RGSL1: variants seen among roughly 807,000 people sequenced by gnomAD.
RGSL1 encodes regulator of G protein signaling protein-like.
RGSL1 carries 97 observed loss-of-function variants against 124.7 expected under a neutral mutation model. That is an observed-to-expected ratio of 0.78 (90% CI 0.66 to 0.92). The LOEUF (loss-of-function observed/expected upper bound fraction) is 0.92, where lower values mean the gene tolerates loss of function less well. Ranked by LOEUF, RGSL1 falls within the 40% of genes least tolerant of loss-of-function variation. The probability of loss-of-function intolerance (pLI) is 0.00; values close to 1 mark genes in which losing one functional copy is unlikely to be tolerated. For synonymous variants in RGSL1, 424 were observed against 438.1 expected (o/e 0.97, Z 0.40); for missense variants, 1,233 against 1,288.4 (o/e 0.96, Z 0.66).
intron 4 of RGSL1, among the ~76,000 whole-genome samples, chr1:182,466,246 A>C (rs945484979): frequency 1.3e-5 from 2 of 152,178 alleles, no homozygotes; most frequent in African/African-American, 2.4e-5. Context: ...TTTTCCTCTA[A>C]GATCAGGAAT....
intron 14 of RGSL1, 130 bp downstream of exon 14, chr1:182,532,921 T>C (rs1299421983): frequency 8.8e-6 from 9 of 1,024,994 alleles, no homozygotes; most frequent in Admixed American, 2.7e-5. Context: ...ACCCAGGTCC[T>C]GTGTGCAAAG....
intron 20 of RGSL1, chr1:182,555,144 C>T (rs1159056133): frequency 6.2e-6 from 1 of 161,520 alleles, no homozygotes; most frequent in African/African-American, 2.4e-5. Context: ...CCCACTCTCG[C>T]ACTCTTCCAA....
At chr1:182,528,230 T>C (rs1658900544) in intron 11 of RGSL1, among the ~76,000 whole-genome samples, 1 of 152,148 alleles carries the variant, frequency 6.6e-6, no homozygotes, top group Non-Finnish European at 1.5e-5. Context: ...ACCACCCCCA[T>C]GATTCAATTA....
rs377158869 is a variant in RGSL1, at chr1:182,468,922, A to G, written c.302-3474A>G. Among the ~76,000 whole-genome samples, 186 of 152,216 alleles carry G rather than the reference A, an allele frequency of 1.2e-3. 4 individuals are homozygous for G. In the South Asian group the frequency reaches 0.038, roughly 31 times the overall value. On this transcript the variant is annotated intron_variant, in intron 4 of 21. Coordinates refer to ENST00000294854, the MANE Select transcript of RGSL1 (RefSeq NM_001137669.2). The stretch of plus-strand genomic sequence containing the variant: ...GGTGCCAAGACCATTCAATGGGGAA[A>G]GGACCATCTTTTCAACAAACAGTCC...
intron 9 of RGSL1, among the ~76,000 whole-genome samples, chr1:182,509,502 A>C (rs1571607186): frequency 1.5e-5 from 1 of 65,254 alleles, no homozygotes; most frequent in East Asian, 3.7e-4. Context: ...TGACCCCCCC[A>C]CCTCCCTCCC....
chr1:182,527,859 C>G (rs1393087485), intron 11 of RGSL1, 87 bp downstream of exon 11: 1 of 1,160,954 alleles, frequency 8.6e-7, no homozygotes, highest in Non-Finnish European at 1.2e-6. Flanking sequence ...CATGTGAGCC[C>G]CCAGAGAGAG....
intron 9 of RGSL1, among the ~76,000 whole-genome samples, chr1:182,520,611 T>C (rs1658264909): frequency 6.6e-6 from 1 of 152,218 alleles, no homozygotes; most frequent in South Asian, 2.1e-4. Context: ...TAATTTTTTA[T>C]AAATTTACTT....
Position 182,532,808 on chromosome 1 carries a change from T to C in RGSL1, c.2494+17T>C, listed in dbSNP as rs530041995. On this transcript the variant is annotated intron_variant, in intron 14 of 21. Transcript: ENST00000294854. ...GCAAGGAAAGTAAGTCATTTCTGTATTTACCCCCACTCCCTGTTGATATTT... is the reference window on the plus strand; with the variant it reads ...GCAAGGAAAGTAAGTCATTTCTGTACTTACCCCCACTCCCTGTTGATATTT... 61 of 1,545,974 alleles carry C rather than the reference T, an allele frequency of 3.9e-5. No individual in the cohort carries two copies. In the African/African-American group the frequency reaches 8.1e-4, roughly 20 times the overall value.
chr1:182,499,371 C>T (rs1422782589), intron 9 of RGSL1, among the ~76,000 whole-genome samples: 2 of 152,142 alleles, frequency 1.3e-5, no homozygotes, highest in African/African-American at 2.4e-5. Flanking sequence ...TGGGTGCATA[C>T]ATATATATTT....
intron 1 of RGSL1, among the ~76,000 whole-genome samples, chr1:182,451,708 C>T (rs1277572045): frequency 6.6e-6 from 1 of 150,946 alleles, no homozygotes; most frequent in African/African-American, 2.4e-5. Context: ...CCTTCTAGGA[C>T]ATCAAGGAGA....
At chr1:182,517,446 T>TG (rs57816357) in intron 9 of RGSL1, among the ~76,000 whole-genome samples, 132,364 of 151,840 alleles carry the variant, frequency 0.87, 58,029 homozygotes, top group African/African-American at 0.9. Context: ...CAATTATTAT[T>TG]TTTTTTTAAA....
chr1:182,488,629 G>C, intron 7 of RGSL1: 1 of 389,148 alleles, frequency 2.6e-6, no homozygotes, highest in Non-Finnish European at 4.7e-6. Flanking sequence ...GGGAGGCTGA[G>C]GCAGGAGAAT....
chr1:182,522,349 C>T (rs1010205741), intron 10 of RGSL1, among the ~76,000 whole-genome samples: 22 of 151,250 alleles, frequency 1.5e-4, no homozygotes, highest in Non-Finnish European at 3.2e-4. Flanking sequence ...ATAGACATCT[C>T]ATGTCTGTAT....
intron 10 of RGSL1, among the ~76,000 whole-genome samples, chr1:182,523,782 T>C (rs1032868296): frequency 3.3e-5 from 5 of 152,194 alleles, no homozygotes; most frequent in Non-Finnish European, 7.3e-5. Flanking sequence ...AACTAAGACA[T>C]AGTCCTTGCC....
chr1:182,553,103 C>T (rs1660666199), intron 18 of RGSL1, among the ~76,000 whole-genome samples: 1 of 152,098 alleles, frequency 6.6e-6, no homozygotes, highest in African/African-American at 2.4e-5. Context: ...GAGGTTTTGC[C>T]ACGTTGGTCA....
intron 9 of RGSL1, among the ~76,000 whole-genome samples, chr1:182,507,723 G>C (rs1186319061): frequency 2.0e-5 from 3 of 150,986 alleles, no homozygotes; most frequent in African/African-American, 7.3e-5. Context: ...TCTTTTTTGG[G>C]ACAGGGTCTG....
chr1:182,502,138 C>A (rs1204089065), intron 9 of RGSL1, among the ~76,000 whole-genome samples: 1 of 152,038 alleles, frequency 6.6e-6, no homozygotes, highest in Non-Finnish European at 1.5e-5. Context: ...ATAAGTCTAG[C>A]TAAATGTTTG....
intron 9 of RGSL1, among the ~76,000 whole-genome samples, chr1:182,495,454 C>G (rs1003504779): frequency 1.3e-5 from 2 of 152,308 alleles, no homozygotes; most frequent in Admixed American, 6.5e-5. Context: ...TGTATATTCT[C>G]AGACCATTTT....
intron 18 of RGSL1, among the ~76,000 whole-genome samples, chr1:182,552,900 A>ACCTTT (rs1660653988): frequency 6.6e-6 from 1 of 151,566 alleles, no homozygotes; most frequent in Admixed American, 6.6e-5. Flanking sequence ...TAGCTTCATC[A>ACCTTT]CCTTTCCTTT....
Sources: allele counts gnomAD v4.1 joint callset (sites outside exome capture counted in the v4.1 genomes callset), GRCh38; gene constraint gnomAD v4.1.1; transcripts MANE v1.5; gene names NCBI Gene and HGNC (gene_info 2026-07-23, HGNC 2026-07-21).